MARK4: variants seen among roughly 807,000 people sequenced by gnomAD.
MARK4 encodes microtubule affinity regulating kinase 4.
In MARK4, 19 loss-of-function variants were observed where a neutral mutation model predicts 81.5. The observed-to-expected ratio is 0.23, with a 90% CI of 0.16 to 0.34. The LOEUF (loss-of-function observed/expected upper bound fraction) is 0.34, where lower values mean the gene tolerates loss of function less well. MARK4 is among the 10% of genes least tolerant of loss of function. MARK4 has a pLI of 1.00. For synonymous variants in MARK4, 436 were observed against 439.0 expected, an observed-to-expected ratio of 0.99 and a Z score of 0.08; for missense variants, 772 against 1,058.8, an observed-to-expected ratio of 0.73 and a Z score of 3.76.
chr19:45,269,038 G>A (rs1287867461), intron 7 of MARK4, among the ~76,000 whole-genome samples: 2 of 152,156 alleles, frequency 1.3e-5, no homozygotes, highest in Non-Finnish European at 2.9e-5. Context: ...ACCAACCCAT[G>A]TGACTTTGGG....
chr19:45,251,507 C>A lies in MARK4; in HGVS notation c.-82C>A. On this transcript the variant is annotated 5_prime_UTR_variant, in exon 1 of 17. Coordinates refer to ENST00000262891, the MANE Select transcript of MARK4 (RefSeq NM_001199867.2). ...TTTTGAGCTCGCGTCCCCAGGCCGG[C>A]GGGGGGGGAGGGGAAGAGAGGGGAC... The A allele has an allele frequency of 1.3e-6, 1 of 799,424 alleles. No homozygotes were observed. Among genetic ancestry groups the A allele is most frequent in the Non-Finnish European group, 1.8e-6 (1 of 551,778 alleles). 49.5% of individuals were successfully genotyped at this position (799,424 alleles called of 1,614,324 possible).
In MARK4 at chr19:45,264,847, G is replaced by A. The variant is rs1228433641; in HGVS notation, c.429G>A (p.Val143=). The change falls in exon 6 of 17, where the codon GTG becomes GTA. Residue 143 remains valine (V), a synonymous_variant. Transcript: ENST00000262891. The part of the protein sequence containing the change: ...LVMEYASAGE[V]FDYLVSHGRM... The stretch of plus-strand genomic sequence containing the variant: ...TCGGCCTCTGCCCTGCAGGAGAAGT[G>A]TTTGACTACCTCGTGTCGCATGGCC... 1 of 1,614,020 alleles carries A rather than the reference G, an allele frequency of 6.2e-7. No homozygotes were observed. Among genetic ancestry groups the A allele is most frequent in the African/African-American group, 1.3e-5 (1 of 74,928 alleles).
intron 12 of MARK4, among the ~76,000 whole-genome samples, chr19:45,284,325 C>CT (rs766141024): frequency 0.033 from 4,571 of 140,384 alleles, 229 homozygotes; most frequent in African/African-American, 0.11. Context: ...GATTTCTTTT[C>CT]TTTTTTTTTT....
chr19:45,262,998 C>G, intron 2 of MARK4, 115 bp from the exon 3 acceptor site: 6 of 1,248,386 alleles, frequency 4.8e-6, no homozygotes, highest in African/African-American at 1.5e-5. Context: ...CTCCTGGCCT[C>G]AAGTGATCCT....
intron 8 of MARK4, among the ~76,000 whole-genome samples, chr19:45,273,430 A>G (rs546672326): frequency 6.6e-6 from 1 of 152,320 alleles, no homozygotes; most frequent in African/African-American, 2.4e-5. Context: ...CAGGAAATAC[A>G]GCAGTGGTAT....
intron 6 of MARK4, 79 bp downstream of exon 6, chr19:45,264,989 G>C: frequency 7.0e-7 from 1 of 1,423,642 alleles, no homozygotes; most frequent in Non-Finnish European, 9.9e-7. Context: ...CATGGTCTGG[G>C]CTGTCCAGCG....
In MARK4 at chr19:45,300,344, G is replaced by GAAAAAAAAAAAAAAAAA. The variant is rs745730201; in HGVS notation, c.1922+499_1922+515dup. The stretch of plus-strand genomic sequence containing the variant: ...GGGTAGCAAGAGTGAAACTCCGTCT[G>GAAAAAAAAAAAAAAAAA]AAAAAAAAAAAAAAAAAAAAAAAAA... On this transcript the variant is annotated intron_variant, in intron 16 of 16. Coordinates refer to ENST00000262891, the MANE Select transcript of MARK4 (RefSeq NM_001199867.2). 1.9e-4 allele frequency among the ~76,000 whole-genome samples: 6 copies of GAAAAAAAAAAAAAAAAA among 32,338 alleles called. 1 individual carries two copies. Among genetic ancestry groups the GAAAAAAAAAAAAAAAAA allele is most frequent in the Non-Finnish European group, 2.3e-4 (4 of 17,476 alleles). 21.2% of individuals were successfully genotyped at this position (32,338 alleles called of 152,430 possible). A position where few individuals can be genotyped will look rare whatever the true frequency, so the allele number is the denominator to read the frequency against.
chr19:45,287,572 G>A lies in MARK4; in HGVS notation c.1402G>A (p.Gly468Arg). 6.3e-7 allele frequency: 1 copy of A among 1,595,210 alleles called. No homozygotes were observed. The highest frequency in any genetic ancestry group is 8.6e-7 in the Non-Finnish European group (1 of 1,168,950). The change falls in exon 13 of 17, where the codon GGG becomes AGG. Residue 468 changes from glycine to arginine, a missense_variant. Transcript: ENST00000262891. Reference protein sequence around the residue: ...SCSTAGSGSRGLPPSSPMVSS... With the variant: ...SCSTAGSGSRRLPPSSPMVSS... ...CAGCACCGCGGGGAGTGGGAGTCGA[G>A]GGCTGCCCCCCTCCAGCCCCATGGT...
chr19:45,302,536 G>A lies in MARK4; in HGVS notation c.2085G>A (p.Leu695=). The change falls in exon 17 of 17, where the codon CTG becomes CTA. Residue 695 remains leucine (L), a synonymous_variant. Coordinates refer to ENST00000262891, the MANE Select transcript of MARK4 (RefSeq NM_001199867.2). The surrounding 1 kb of genome is among the most constrained non-coding windows in gnomAD (Gnocchi z 4.9). The part of the protein sequence containing the change: ...RCRCRQPQPF[L]LACLHGGAGG... ...GCTGCCGCCAGCCACAGCCGTTCCT[G>A]CTGGCCTGCCTGCACGGGGGTGCGG... 6.3e-7 allele frequency: 1 copy of A among 1,599,464 alleles called. No individual in the cohort carries two copies. Among genetic ancestry groups the A allele is most frequent in the Non-Finnish European group, 8.5e-7 (1 of 1,178,344 alleles).
At chr19:45,291,845 C>T (rs1970824756) in intron 13 of MARK4, among the ~76,000 whole-genome samples, 1 of 152,182 alleles carries the variant, frequency 6.6e-6, no homozygotes, top group Non-Finnish European at 1.5e-5. Flanking sequence ...AAACTTCATC[C>T]TCCATCAGAA....
At chr19:45,272,633 T>C (rs1970544687) in intron 8 of MARK4, among the ~76,000 whole-genome samples, 1 of 151,842 alleles carries the variant, frequency 6.6e-6, no homozygotes, top group Non-Finnish European at 1.5e-5. Flanking sequence ...CACACCTATA[T>C]TCCCAGCACT....
chr19:45,278,144 C>T (rs1187626449), intron 9 of MARK4, 102 bp downstream of exon 9: 1 of 1,502,456 alleles, frequency 6.7e-7, no homozygotes, highest in Non-Finnish European at 9.0e-7. Flanking sequence ...CACTTTTCCT[C>T]TCCTGTGCCC....
In MARK4 at chr19:45,271,434, T is replaced by G; in HGVS notation, c.550-38T>G. ...CCACGTCCATGAAAGGCTTTGGCCT[T>G]GAGTCCCACTTTCCGCCCTCTCCTT... is the stretch of plus-strand genomic sequence containing the variant. On this transcript the variant is annotated intron_variant, in intron 7 of 16. Transcript: ENST00000262891. The surrounding 1 kb of genome is among the most constrained non-coding windows in gnomAD (Gnocchi z 4.1). 12 of 1,598,920 alleles carry G rather than the reference T, an allele frequency of 7.5e-6. No homozygotes were observed. The highest frequency in any genetic ancestry group is 2.2e-5 in the East Asian group (1 of 44,778).
At position 45,251,464 on chromosome 19, in the gene MARK4, G is replaced by C; in HGVS notation, c.-125G>C. ...CCCCTCTCCCGCCGCGCGGACCCGGGCGTTCTCGGCGCCCAGCTTTTGAGC... is the reference window on the plus strand; with the variant it reads ...CCCCTCTCCCGCCGCGCGGACCCGGCCGTTCTCGGCGCCCAGCTTTTGAGC... On this transcript the variant is annotated 5_prime_UTR_variant, in exon 1 of 17. Transcript: ENST00000262891. 1 of 551,500 alleles carries C rather than the reference G, an allele frequency of 1.8e-6. No homozygotes were observed. The highest frequency in any genetic ancestry group is 2.6e-5 in the South Asian group (1 of 38,048). The allele number at this position is 551,500 out of a possible 1,614,324, so 34.2% of individuals were successfully genotyped here.
intron 8 of MARK4, among the ~76,000 whole-genome samples, chr19:45,273,888 G>A (rs982476471): frequency 2.0e-5 from 3 of 152,234 alleles, no homozygotes; most frequent in African/African-American, 7.2e-5. Flanking sequence ...CTTCACAGTG[G>A]CCTTGGCCAA....
At chr19:45,267,103 G>T (rs1416820885) in intron 7 of MARK4, among the ~76,000 whole-genome samples, 2 of 151,900 alleles carry the variant, frequency 1.3e-5, no homozygotes, top group Non-Finnish European at 2.9e-5. Flanking sequence ...CTGTTGCCCA[G>T]GCTGGAGTGT....
intron 12 of MARK4, among the ~76,000 whole-genome samples, chr19:45,281,965 C>T (rs1314570275): frequency 1.3e-5 from 2 of 152,068 alleles, no homozygotes; most frequent in Non-Finnish European, 2.9e-5. Flanking sequence ...CACGGTGGCT[C>T]ATGTCTGTAA....
rs182176003 is a variant in MARK4, at chr19:45,303,692, C to G, written c.*982C>G. The G allele has an allele frequency of 1.5e-3, 231 of 152,348 alleles. 2 individuals carry two copies. Among genetic ancestry groups the G allele is most frequent in the African/African-American group, 5.5e-3 (227 of 41,556 alleles). The allele number at this position is 152,348 out of a possible 1,614,324, so 9.4% of individuals were successfully genotyped here. A position where few individuals can be genotyped will look rare whatever the true frequency, so the allele number is the denominator to read the frequency against. Reference sequence around the variant, plus strand: ...AACAATCATTGACCCATGCCTACTCCATGCCAGGCCCAGTGCTGGACACAG... The same window carrying G: ...AACAATCATTGACCCATGCCTACTCGATGCCAGGCCCAGTGCTGGACACAG... On this transcript the variant is annotated 3_prime_UTR_variant, in exon 17 of 17. Transcript: ENST00000262891.
intron 8 of MARK4, among the ~76,000 whole-genome samples, chr19:45,274,755 C>G (rs1970577457): frequency 6.6e-6 from 1 of 152,112 alleles, no homozygotes; most frequent in Non-Finnish European, 1.5e-5. Context: ...GCTAAGAGAC[C>G]TTTTTGAAGG....
Sources: gnomAD v4.1 joint callset for allele counts (sites outside exome capture counted in the v4.1 genomes callset) on GRCh38, gnomAD v4.1.1 for gene constraint, Gnocchi (gnomAD v3.1) non-coding constraint, MANE v1.5 for transcripts, NCBI Gene and HGNC (gene_info 2026-07-23, HGNC 2026-07-21) for gene names.